AKAP10: variants seen among roughly 807,000 people sequenced by gnomAD.
AKAP10 encodes A-kinase anchor protein 10, mitochondrial.
Under a neutral mutation model 80.8 loss-of-function variants are expected in AKAP10, and 24 were observed. The ratio of observed to expected loss-of-function variants is 0.30; its 90% confidence interval spans 0.22 to 0.42. The LOEUF is 0.42. Among genes scored for constraint, AKAP10 ranks in the 10% least tolerant of loss-of-function variants. The pLI is 1.00. For missense variants in AKAP10, 661 were observed against 794.9 expected, an observed-to-expected ratio of 0.83 and a Z score of 2.03; for synonymous variants, 291 against 277.7, an observed-to-expected ratio of 1.05 and a Z score of -0.48.
chr17:19,917,907 C>T (rs555594829), intron 12 of AKAP10, among the ~76,000 whole-genome samples: 1 of 150,810 alleles, frequency 6.6e-6, no homozygotes, highest in South Asian at 2.1e-4. Context: ...GTCCCCCTCC[C>T]ACCCGACAAA....
At chr17:19,962,285 TACATACATATACAC>T (rs1185732055) in intron 3 of AKAP10, among the ~76,000 whole-genome samples, 6 of 134,734 alleles carry the variant, frequency 4.5e-5, no homozygotes, top group African/African-American at 1.4e-4. Flanking sequence ...CATACATACA[TACATACATATACAC>T]ACACACACAC....
chr17:19,968,690 T>C (rs865843678), intron 1 of AKAP10, among the ~76,000 whole-genome samples: 49 of 152,312 alleles, frequency 3.2e-4, no homozygotes, highest in Middle Eastern at 6.8e-3. Context: ...GGAGAGACAA[T>C]GTAGTCACAA....
chr17:19,958,847 T>C (rs2043314679), intron 3 of AKAP10, among the ~76,000 whole-genome samples: 2 of 122,634 alleles, frequency 1.6e-5, no homozygotes, highest in Non-Finnish European at 3.1e-5. Context: ...AAATTCTTTT[T>C]TTTTTTTTTT....
At chr17:19,936,210 G>A in intron 9 of AKAP10, 76 bp downstream of exon 9, 1 of 1,501,654 alleles carries the variant, frequency 6.7e-7, no homozygotes, top group Non-Finnish European at 9.0e-7. Flanking sequence ...ATTCTGCTTG[G>A]TTTTCCCACC....
Position 19,931,872 on chromosome 17 carries a change from G to A in AKAP10, c.1574C>T (p.Thr525Ile). 2 of 1,614,164 alleles carry A rather than the reference G, an allele frequency of 1.2e-6. No individual in the cohort carries two copies. Among genetic ancestry groups the A allele is most frequent in the Non-Finnish European group, 8.5e-7 (1 of 1,180,024 alleles). ...AGGAGGGCCAACAGAGCCAGGAGCAGTCAGCGACACGTTCCCGCCCAGAAA... is the reference window on the plus strand; with the variant it reads ...AGGAGGGCCAACAGAGCCAGGAGCAATCAGCGACACGTTCCCGCCCAGAAA... Reference protein sequence around the residue: ...DEFLGGNVSLTAPGSVGPPDE... With the variant: ...DEFLGGNVSLIAPGSVGPPDE... Residue 525 changes from threonine (T) to isoleucine (I), a missense_variant, in exon 10 of 15, where the codon ACT becomes ATT. Transcript: ENST00000225737.
intron 4 of AKAP10, among the ~76,000 whole-genome samples, chr17:19,948,557 A>T (rs1047686581): frequency 3.9e-5 from 6 of 152,060 alleles, no homozygotes; most frequent in African/African-American, 9.7e-5. Context: ...CAAGAAGAAG[A>T]AGTCGTGGCC....
intron 12 of AKAP10, among the ~76,000 whole-genome samples, chr17:19,919,070 T>TCCCCCAGC (rs1461774476): frequency 4.0e-5 from 6 of 149,532 alleles, no homozygotes; most frequent in Non-Finnish European, 8.9e-5. Context: ...ATGCTATTCC[T>TCCCCCAGC]CCCCCAGCCC....
At chr17:19,973,917 A>G (rs1441022072) in intron 1 of AKAP10, among the ~76,000 whole-genome samples, 1 of 152,200 alleles carries the variant, frequency 6.6e-6, no homozygotes, top group Non-Finnish European at 1.5e-5. Context: ...AAAATCCAAA[A>G]ATGCAGCCGG....
intron 14 of AKAP10, among the ~76,000 whole-genome samples, chr17:19,906,875 G>T (rs1048065086): frequency 6.6e-6 from 1 of 151,316 alleles, no homozygotes; most frequent in Admixed American, 6.6e-5. Flanking sequence ...AGGATTAGAA[G>T]GGGTTTTTCT....
chr17:19,971,154 C>A (rs184973424), intron 1 of AKAP10, among the ~76,000 whole-genome samples: 2 of 151,802 alleles, frequency 1.3e-5, no homozygotes, highest in African/African-American at 2.4e-5. Flanking sequence ...CCCAGCCAAA[C>A]GTGTATATAT....
At chr17:19,973,608 AT>A (rs2152420035) in intron 1 of AKAP10, among the ~76,000 whole-genome samples, 1 of 152,348 alleles carries the variant, frequency 6.6e-6, no homozygotes, top group South Asian at 2.1e-4. Flanking sequence ...CAAGAATGGA[AT>A]GGAAACCAAA....
At chr17:19,938,719 A>T (rs1355797749) in intron 8 of AKAP10, among the ~76,000 whole-genome samples, 1 of 151,706 alleles carries the variant, frequency 6.6e-6, no homozygotes, top group East Asian at 1.9e-4. Flanking sequence ...TACAAATAAC[A>T]AATTACCTTT....
intron 3 of AKAP10, among the ~76,000 whole-genome samples, chr17:19,961,854 G>A (rs1215806861): frequency 1.3e-5 from 2 of 152,094 alleles, no homozygotes; most frequent in African/African-American, 2.4e-5. Flanking sequence ...GGTGGTTCAC[G>A]TTGGTAATCC....
chr17:19,947,294 G>A (rs1172856510), intron 5 of AKAP10, 113 bp downstream of exon 5: 2 of 788,854 alleles, frequency 2.5e-6, no homozygotes, highest in Admixed American at 4.7e-5. Context: ...AAATTAGGAA[G>A]GGAACTGCTA....
rs1567774952 is a variant in AKAP10, at chr17:19,962,285, TACATACATATACACAC to T, written c.319+539_319+554del. Among the ~76,000 whole-genome samples, 360 of 134,818 alleles carry T rather than the reference TACATACATATACACAC, an allele frequency of 2.7e-3. 1 individual carries two copies. The highest frequency in any genetic ancestry group is 9.4e-3 in the African/African-American group (340 of 36,294). The allele number at this position is 134,818 out of a possible 152,430, so 88.4% of individuals were successfully genotyped here. ...CAACATACATACATACATACATACA[TACATACATATACACAC>T]ACACACACACACACACACACACATA... is the stretch of plus-strand genomic sequence containing the variant. On this transcript the variant is annotated intron_variant, in intron 3 of 14. Transcript: ENST00000225737.
chr17:19,941,739 A>C, intron 6 of AKAP10, 87 bp downstream of exon 6: 2 of 906,570 alleles, frequency 2.2e-6, no homozygotes, highest in Non-Finnish European at 3.1e-6. Context: ...TCTCAAAAAT[A>C]CTTTGTTTTT....
At chr17:19,958,842 C>CTTTTT (rs772496178) in intron 3 of AKAP10, among the ~76,000 whole-genome samples, 5 of 92,936 alleles carry the variant, frequency 5.4e-5, no homozygotes, top group Non-Finnish European at 9.6e-5. Flanking sequence ...CATGTAAATT[C>CTTTTT]TTTTTTTTTT....
At chr17:19,973,748 T>C (rs1287461898) in intron 1 of AKAP10, among the ~76,000 whole-genome samples, 3 of 152,228 alleles carry the variant, frequency 2.0e-5, no homozygotes, top group African/African-American at 7.2e-5. Context: ...TTAACAGAGA[T>C]GACTGCCTAG....
intron 5 of AKAP10, 21 bp downstream of exon 5, chr17:19,947,386 A>G (rs757683028): frequency 6.5e-7 from 1 of 1,540,090 alleles, no homozygotes; most frequent in Non-Finnish European, 8.9e-7. Context: ...TTTTTTTGCC[A>G]TAGTTTCAAG....
Sources: gnomAD v4.1 joint callset for allele counts (sites outside exome capture counted in the v4.1 genomes callset) on GRCh38, gnomAD v4.1.1 for gene constraint, MANE v1.5 for transcripts, NCBI Gene and HGNC (gene_info 2026-07-23, HGNC 2026-07-21) for gene names.